The following EFCAB13 variants were observed in gnomAD, a reference collection of about 807,000 sequenced individuals.
The protein encoded by EFCAB13 is EF-hand calcium-binding domain-containing protein 13.
In EFCAB13, 91 loss-of-function variants were observed where a neutral mutation model predicts 110.2. The ratio of observed to expected loss-of-function variants is 0.83; its 90% confidence interval spans 0.70 to 0.98. The LOEUF (loss-of-function observed/expected upper bound fraction) is 0.98, where lower values mean the gene tolerates loss of function less well. Among genes scored for constraint, EFCAB13 ranks in the 50% least tolerant of loss-of-function variants. The pLI is 0.00. For synonymous variants in EFCAB13, 323 were observed against 369.9 expected, an observed-to-expected ratio of 0.87 and a Z score of 1.45; for missense variants, 968 against 1,119.4, an observed-to-expected ratio of 0.86 and a Z score of 1.93.
At chr17:47,329,264 C>T (rs998640223) in intron 4 of EFCAB13, among the ~76,000 whole-genome samples, 7 of 151,870 alleles carry the variant, frequency 4.6e-5, no homozygotes, top group Admixed American at 3.9e-4. Flanking sequence ...GAGTGGTTTG[C>T]AGTAAGCCAT....
At chr17:47,376,329 A>G (rs2065615145) in intron 12 of EFCAB13, among the ~76,000 whole-genome samples, 1 of 150,342 alleles carries the variant, frequency 6.7e-6, no homozygotes, top group Non-Finnish European at 1.5e-5. Context: ...TTTCAAAAGA[A>G]TTAAAACCTT....
chr17:47,359,764 G>C (rs1405812605), intron 9 of EFCAB13, among the ~76,000 whole-genome samples: 1 of 135,018 alleles, frequency 7.4e-6, no homozygotes, highest in African/African-American at 2.8e-5. Context: ...TCCTAATGCT[G>C]TCCCTCCCCC....
chr17:47,418,170 T>A (rs1904515989), intron 23 of EFCAB13, among the ~76,000 whole-genome samples: 1 of 152,218 alleles, frequency 6.6e-6, no homozygotes, highest in Non-Finnish European at 1.5e-5. Context: ...TCTTTTCCCT[T>A]CAAGGCTTGA....
intron 24 of EFCAB13, among the ~76,000 whole-genome samples, chr17:47,432,061 G>A (rs1905125247): frequency 6.6e-6 from 1 of 152,094 alleles, no homozygotes; most frequent in Non-Finnish European, 1.5e-5. Flanking sequence ...TTCGAGACTA[G>A]CCTGGGCAAG....
chr17:47,334,278 G>T (rs1419885383), intron 4 of EFCAB13, among the ~76,000 whole-genome samples: 2 of 151,954 alleles, frequency 1.3e-5, no homozygotes, highest in African/African-American at 4.8e-5. Flanking sequence ...TGAGGTGTCT[G>T]TTCAAGTCTT....
At chr17:47,362,561 C>T (rs1204994683) in intron 10 of EFCAB13, among the ~76,000 whole-genome samples, 6 of 152,052 alleles carry the variant, frequency 3.9e-5, no homozygotes, top group East Asian at 1.9e-4. Flanking sequence ...GAGGGCCTGA[C>T]GGAGGGCCTG....
chr17:47,351,900 T>G (rs936503814), intron 9 of EFCAB13, among the ~76,000 whole-genome samples: 27 of 106,946 alleles, frequency 2.5e-4, no homozygotes, highest in African/African-American at 9.2e-4. Context: ...TTTCATGTAG[T>G]TTTTTTTTTT....
chr17:47,434,624 C>T (rs1426743790), intron 24 of EFCAB13, among the ~76,000 whole-genome samples: 1 of 152,178 alleles, frequency 6.6e-6, no homozygotes, highest in Non-Finnish European at 1.5e-5. Flanking sequence ...TGGAGCATCA[C>T]ATTACCTGTC....
intron 14 of EFCAB13, among the ~76,000 whole-genome samples, chr17:47,389,505 T>C (rs1436597729): frequency 6.6e-6 from 1 of 151,836 alleles, no homozygotes; most frequent in African/African-American, 2.4e-5. Flanking sequence ...AGAGTTCTTA[T>C]CAGCCACCTC....
intron 23 of EFCAB13, among the ~76,000 whole-genome samples, chr17:47,421,354 GAAAC>G (rs1904700167): frequency 6.6e-6 from 1 of 151,914 alleles, no homozygotes; most frequent in Non-Finnish European, 1.5e-5. Context: ...TGTGCTCTCT[GAAAC>G]ATGTGTACTC....
At chr17:47,379,566 T>G (rs934260395) in intron 14 of EFCAB13, among the ~76,000 whole-genome samples, 25 of 151,934 alleles carry the variant, frequency 1.6e-4, no homozygotes, top group African/African-American at 5.8e-4. Context: ...ATGGTTTGTT[T>G]TTTTTTTTCC....
At chr17:47,335,092 T>C (rs1488507551) in intron 4 of EFCAB13, 104 bp from the exon 5 acceptor site, 9 of 1,274,988 alleles carry the variant, frequency 7.1e-6, no homozygotes, top group Non-Finnish European at 9.5e-6. Flanking sequence ...GTAGCACTAT[T>C]TGAGAAAGAA....
intron 8 of EFCAB13, among the ~76,000 whole-genome samples, chr17:47,346,440 C>CG (rs112183645): frequency 0.023 from 3,230 of 137,788 alleles, 211 homozygotes; most frequent in East Asian, 0.19. Flanking sequence ...TTTACCCCCC[C>CG]CCCCATTTAT....
At chr17:47,327,166 G>A (rs1567777338) in intron 3 of EFCAB13, among the ~76,000 whole-genome samples, 1 of 151,896 alleles carries the variant, frequency 6.6e-6, no homozygotes, top group Non-Finnish European at 1.5e-5. Context: ...ATTTTGTTTT[G>A]TTTTCTTTTG....
rs143061676 is a variant in EFCAB13, at chr17:47,390,187, A to T, written c.1583-1250A>T. Among the ~76,000 whole-genome samples, 346 of 152,258 alleles carry T rather than the reference A, an allele frequency of 2.3e-3. 1 individual carries two copies. The highest frequency in any genetic ancestry group is 7.7e-3 in the African/African-American group (322 of 41,556). ...AATTTGTTCTAGAGTTTGTGTGTGT[A>T]TATGTGTGTATGTGTATATATTGTG... On this transcript the variant is annotated intron_variant, in intron 14 of 24. Coordinates refer to ENST00000331493, the MANE Select transcript of EFCAB13 (RefSeq NM_152347.5).
intron 5 of EFCAB13, chr17:47,339,715 A>AT (rs397734444): frequency 3.3e-5 from 5 of 151,694 alleles, no homozygotes; most frequent in African/African-American, 4.8e-5. Flanking sequence ...AAAAAAAAAA[A>AT]GGTTTTTGAC....
At chr17:47,420,016 T>A (rs1904589591) in intron 23 of EFCAB13, among the ~76,000 whole-genome samples, 6 of 152,098 alleles carry the variant, frequency 3.9e-5, no homozygotes. Context: ...TGGACTGTAC[T>A]GCTGCCATCT....
At chr17:47,418,135 A>T (rs1229731279) in intron 23 of EFCAB13, among the ~76,000 whole-genome samples, 1 of 152,200 alleles carries the variant, frequency 6.6e-6, no homozygotes, top group Admixed American at 6.5e-5. Flanking sequence ...TTGTTATACA[A>T]TCAAAAGATG....
chr17:47,331,518 C>T (rs571933105), intron 4 of EFCAB13, among the ~76,000 whole-genome samples: 3 of 152,178 alleles, frequency 2.0e-5, no homozygotes, highest in African/African-American at 7.2e-5. Context: ...GCTTACCCTG[C>T]TATCAACATC....
Sources: allele counts gnomAD v4.1 joint callset (sites outside exome capture counted in the v4.1 genomes callset), GRCh38; gene constraint gnomAD v4.1.1; transcripts MANE v1.5; gene names NCBI Gene and HGNC (gene_info 2026-07-23, HGNC 2026-07-21).